The following DAZL variants were observed in gnomAD, a reference collection of about 807,000 sequenced individuals.
The protein encoded by DAZL is deleted in azoospermia like.
DAZL carries 4 observed loss-of-function variants against 45.0 expected under a neutral mutation model. The observed-to-expected ratio is 0.09, with a 90% confidence interval of 0.04 to 0.20. The LOEUF (loss-of-function observed/expected upper bound fraction) is 0.20, where lower values mean the gene tolerates loss of function less well. Ranked by LOEUF, DAZL falls within the 10% of genes least tolerant of loss-of-function variation. The probability of loss-of-function intolerance (pLI) is 1.00; values close to 1 mark genes in which losing one functional copy is unlikely to be tolerated. For missense variants in DAZL, 326 were observed against 351.3 expected, an observed-to-expected ratio of 0.93 and a Z score of 0.58; for synonymous variants, 122 against 112.4, an observed-to-expected ratio of 1.09 and a Z score of -0.54.
chr3:16,604,917 C>T (rs1694754182), intron 1 of DAZL: 1 of 672,724 alleles, frequency 1.5e-6, no homozygotes, highest in Non-Finnish European at 2.5e-6. Context: ...AAATGGGTGC[C>T]TCAAGAAGGC....
chr3:16,596,895 T>A lies in DAZL; in HGVS notation c.359-6A>T. The A allele has an allele frequency of 6.2e-7, 1 of 1,613,812 alleles. No homozygotes were observed. Among genetic ancestry groups the A allele is most frequent in the Non-Finnish European group, 8.5e-7 (1 of 1,179,772 alleles). On this transcript the variant is annotated splice_polypyrimidine_tract_variant and splice_region_variant and intron_variant, in intron 5 of 10. Transcript: ENST00000399444. ...TGGCTGCACATGATAAGCACCTTTT[T>A]GAAAAGCAAAAAGAAAAGGCCTATT...
chr3:16,591,181 AC>A (rs1694512107), intron 10 of DAZL, among the ~76,000 whole-genome samples: 1 of 152,054 alleles, frequency 6.6e-6, no homozygotes, highest in African/African-American at 2.4e-5. Context: ...CTCATTTTAG[AC>A]TTGTAAAAAC....
chr3:16,589,637 G>A (rs1432821079), intron 10 of DAZL, among the ~76,000 whole-genome samples: 2 of 152,168 alleles, frequency 1.3e-5, no homozygotes, highest in African/African-American at 4.8e-5. Context: ...ACAACATGCA[G>A]TCAATCAAAA....
At chr3:16,593,042 T>C (rs1177087538) in intron 9 of DAZL, among the ~76,000 whole-genome samples, 4 of 146,674 alleles carry the variant, frequency 2.7e-5, no homozygotes, top group African/African-American at 1.1e-4. Flanking sequence ...ATATATAATG[T>C]TACAGAGAGA....
At position 16,595,353 on chromosome 3, in the gene DAZL, C is replaced by A; in HGVS notation, c.531G>T (p.Gln177His). ...AYPTYPNSPV[Q>H]VITGYQLPVY... ...CAGGCAACTGATATCCAGTGATGAC[C>A]TGAACTGGTGAATTTGGGTAAGTAG... The change falls in exon 7 of 11, where the codon CAG becomes CAT. Residue 177 changes from glutamine (Q) to histidine (H), a missense_variant. Physicochemically the swap from Gln to His is conservative, Grantham distance 24. Coordinates refer to ENST00000399444, the MANE Select transcript of DAZL (RefSeq NM_001351.4). 6.3e-7 allele frequency: 1 copy of A among 1,583,766 alleles called. No homozygotes were observed. Among genetic ancestry groups the A allele is most frequent in the Non-Finnish European group, 8.6e-7 (1 of 1,160,852 alleles).
Position 16,605,322 on chromosome 3 carries a change from T to C in DAZL, c.-117A>G. ...GAACCCGCTGCGCGGCTTCGAGTGG[T>C]CAAAGGAGCCAAAGATGAAGAGAAA... On this transcript the variant is annotated 5_prime_UTR_variant, in exon 1 of 11. Transcript: ENST00000399444. 8.0e-7 allele frequency: 1 copy of C among 1,255,476 alleles called. No individual in the cohort carries two copies. The highest frequency in any genetic ancestry group is 1.2e-6 in the Non-Finnish European group (1 of 853,734). 77.8% of individuals were successfully genotyped at this position (1,255,476 alleles called of 1,614,324 possible).
Position 16,588,704 on chromosome 3 carries a change from C to G in DAZL, c.844G>C (p.Val282Leu). ...GCCCGACTTCTTCTAAAGTGATGCA[C>G]TCTTTTATCCTGGAAAAGACAGAAA... ...TQDDYFKDKR[V>L]HHFRRSRAML... Residue 282 changes from valine (V) to leucine (L), a missense_variant, in exon 11 of 11, where the codon GTG (valine) becomes CTG (leucine). Val to Leu is a conservative substitution (Grantham distance 32). Coordinates refer to ENST00000399444, the MANE Select transcript of DAZL (RefSeq NM_001351.4). 2 of 1,611,292 alleles carry G rather than the reference C, an allele frequency of 1.2e-6. No individual in the cohort carries two copies. The highest frequency in any genetic ancestry group is 1.7e-6 in the Non-Finnish European group (2 of 1,177,836).
Position 16,588,388 on chromosome 3 carries a change from G to T in DAZL, c.*272C>A. 2 of 368,384 alleles carry T rather than the reference G, an allele frequency of 5.4e-6. No homozygotes were observed. Among genetic ancestry groups the T allele is most frequent in the South Asian group, 3.0e-5 (1 of 33,636 alleles). The allele number at this position is 368,384 out of a possible 1,614,324, so 22.8% of individuals were successfully genotyped here. ...GTATTTGCTTTTAAACACTTAAAAT[G>T]CCAATTTTTAAAAAATCCTTGCAGA... On this transcript the variant is annotated 3_prime_UTR_variant, in exon 11 of 11. Transcript: ENST00000399444.
At chr3:16,590,725 T>C (rs1342141912) in intron 10 of DAZL, among the ~76,000 whole-genome samples, 4 of 152,280 alleles carry the variant, frequency 2.6e-5, no homozygotes, top group African/African-American at 9.6e-5. Context: ...TTGATGAACC[T>C]TGAAAATATT....
At chr3:16,590,114 T>C (rs1387003746) in intron 10 of DAZL, among the ~76,000 whole-genome samples, 1 of 152,110 alleles carries the variant, frequency 6.6e-6, no homozygotes, top group Non-Finnish European at 1.5e-5. Flanking sequence ...GCTTTGAAAA[T>C]CATTTAAGTA....
Position 16,588,724 on chromosome 3 carries a change from C to CAGAA in DAZL, c.835-15_835-12dup. On this transcript the variant is annotated splice_polypyrimidine_tract_variant and intron_variant, in intron 10 of 10. Transcript: ENST00000399444. ...ATGCACTCTTTTATCCTGGAAAAGA[C>CAGAA]AGAAAGAGTCCTTTTACTTTACTGA... 6.2e-7 allele frequency: 1 copy of CAGAA among 1,608,336 alleles called. No individual in the cohort carries two copies. The highest frequency in any genetic ancestry group is 8.5e-7 in the Non-Finnish European group (1 of 1,175,246).
chr3:16,602,142 T>G (rs1694699798), intron 1 of DAZL, among the ~76,000 whole-genome samples: 2 of 151,944 alleles, frequency 1.3e-5, no homozygotes, highest in African/African-American at 4.8e-5. Flanking sequence ...AGGATGAAAT[T>G]CAAGCAATAA....
intron 10 of DAZL, 105 bp downstream of exon 10, chr3:16,591,941 GTTAA>G: frequency 7.7e-7 from 1 of 1,300,192 alleles, no homozygotes; most frequent in Non-Finnish European, 1.1e-6. Flanking sequence ...AATGCCAACA[GTTAA>G]TTAAATGCTC....
chr3:16,594,475 A>G, intron 8 of DAZL, 58 bp downstream of exon 8: 33 of 1,311,240 alleles, frequency 2.5e-5, no homozygotes, highest in Non-Finnish European at 3.5e-5. Flanking sequence ...AAATATAGTT[A>G]AACAAAAAAA....
intron 1 of DAZL, chr3:16,604,558 G>GC (rs914233177): frequency 2.1e-6 from 3 of 1,437,802 alleles, no homozygotes; most frequent in Non-Finnish European, 2.7e-6. Flanking sequence ...TTCCGGCCCA[G>GC]CCCCCTCAGC....
chr3:16,595,499 A>T, intron 6 of DAZL, 114 bp from the exon 7 acceptor site: 1 of 606,620 alleles, frequency 1.6e-6, no homozygotes, highest in Non-Finnish European at 2.9e-6. Context: ...TTCTATATAC[A>T]ACAATGCAGA....
At chr3:16,590,791 A>G (rs1257516708) in intron 10 of DAZL, among the ~76,000 whole-genome samples, 1 of 152,174 alleles carries the variant, frequency 6.6e-6, no homozygotes, top group African/African-American at 2.4e-5. Context: ...TTCCATATAC[A>G]TGAAATGTCC....
At chr3:16,593,033 T>C (rs57568632) in intron 9 of DAZL, among the ~76,000 whole-genome samples, 3,005 of 150,682 alleles carry the variant, frequency 0.02, 104 homozygotes, top group African/African-American at 0.07. Context: ...ACTACTGCCA[T>C]ATATAATGTT....
At chr3:16,594,617 C>T in intron 7 of DAZL, 34 bp from the exon 8 acceptor site, 1 of 1,492,948 alleles carries the variant, frequency 6.7e-7, no homozygotes, top group Non-Finnish European at 9.0e-7. Flanking sequence ...CAAAATTATT[C>T]AAATATTCCT....
Sources: gnomAD v4.1 joint callset for allele counts (sites outside exome capture counted in the v4.1 genomes callset) on GRCh38, gnomAD v4.1.1 for gene constraint, MANE v1.5 for transcripts, NCBI Gene and HGNC (gene_info 2026-07-23, HGNC 2026-07-21) for gene names.